UBQLN1: variants seen among roughly 807,000 people sequenced by gnomAD.
UBQLN1 encodes ubiquilin-1.
In UBQLN1, 13 loss-of-function variants were observed where a neutral mutation model predicts 65.4. That is an observed-to-expected ratio of 0.20 (90% CI 0.13 to 0.32). The LOEUF is 0.32. Among genes scored for constraint, UBQLN1 ranks in the 10% least tolerant of loss-of-function variants. The pLI, the probability that UBQLN1 is intolerant of heterozygous loss-of-function variation, is 1.00. For synonymous variants in UBQLN1, 267 were observed against 247.8 expected, an observed-to-expected ratio of 1.08 and a Z score of -0.73; for missense variants, 561 against 724.0, an observed-to-expected ratio of 0.77 and a Z score of 2.58.
At chr9:83,665,268 C>G in intron 8 of UBQLN1, 123 bp from the exon 9 acceptor site, 2 of 589,938 alleles carry the variant, frequency 3.4e-6, no homozygotes, top group Non-Finnish European at 5.5e-6. Context: ...CACTGGTAAT[C>G]CATAATTTCT....
chr9:83,661,476 G>A lies in UBQLN1; in HGVS notation c.*311C>T. On this transcript the variant is annotated 3_prime_UTR_variant, in exon 11 of 11. Transcript: ENST00000376395. ...ACATAAATTACTACCATAGGCTAAT[G>A]TTTAAAAAGCAAATAAACTGGACAG... The A allele has an allele frequency of 4.5e-6, 1 of 222,332 alleles. No individual in the cohort carries two copies. The highest frequency in any genetic ancestry group is 8.9e-6 in the Non-Finnish European group (1 of 112,666). 13.8% of individuals were successfully genotyped at this position (222,332 alleles called of 1,614,324 possible).
rs755015487 is a variant in UBQLN1 at position 83,664,048 on chromosome 9, A to C, written c.1449-5T>G. On this transcript the variant is annotated splice_region_variant and splice_polypyrimidine_tract_variant and intron_variant, in intron 9 of 10. Transcript: ENST00000376395. ...GCCCCCAAGCCAGGAGTAAACCTAC[A>C]GAAAGCACAAATAGGAAATATCCTA... is the stretch of plus-strand genomic sequence containing the variant. 6.2e-7 allele frequency: 1 copy of C among 1,610,966 alleles called. No homozygotes were observed. The highest frequency in any genetic ancestry group is 8.5e-7 in the Non-Finnish European group (1 of 1,178,918).
chr9:83,669,452 C>G, intron 6 of UBQLN1, 125 bp from the exon 7 acceptor site: 3 of 879,666 alleles, frequency 3.4e-6, no homozygotes, highest in Non-Finnish European at 4.9e-6. Context: ...TATTATGTAT[C>G]AACTGAACTA....
At chr9:83,675,422 T>A (rs929769103) in intron 6 of UBQLN1, among the ~76,000 whole-genome samples, 1 of 151,812 alleles carries the variant, frequency 6.6e-6, no homozygotes, top group Non-Finnish European at 1.5e-5. Flanking sequence ...TAAAATTGTT[T>A]GAATCACAAG....
rs147253463 is a variant in UBQLN1, at chr9:83,694,872, G to A, written c.181-8717C>T. Among the ~76,000 whole-genome samples, 356 of 152,286 alleles carry A rather than the reference G, an allele frequency of 2.3e-3. 1 individual carries two copies. Among genetic ancestry groups the A allele is most frequent in the African/African-American group, 8.2e-3 (341 of 41,560 alleles). On this transcript the variant is annotated intron_variant, in intron 1 of 10. Coordinates refer to ENST00000376395, the MANE Select transcript of UBQLN1 (RefSeq NM_013438.5). ...ACGATATGTTAAAAATGTAGCCAGT[G>A]AGGCTGAGATGATTAAAGCTCCTTA...
chr9:83,678,384 T>G, intron 5 of UBQLN1, 57 bp downstream of exon 5: 1 of 1,546,434 alleles, frequency 6.5e-7, no homozygotes, highest in Non-Finnish European at 8.7e-7. Flanking sequence ...ATCATACACA[T>G]ATTTGTGTTA....
Position 83,669,365 on chromosome 9 carries a change from A to G in UBQLN1, c.1106-38T>C, listed in dbSNP as rs781769627. 38 of 1,551,452 alleles carry G rather than the reference A, an allele frequency of 2.4e-5. No homozygotes were observed. The Middle Eastern group carries it at 1.6e-3, about 64-fold the overall frequency. On this transcript the variant is annotated intron_variant, in intron 6 of 10. Transcript: ENST00000376395. ...TTTTAAAAAAGACATATTAAGGAAAAATACTTAAACAAAAGTTAAAGCTTT... is the reference window on the plus strand; with the variant it reads ...TTTTAAAAAAGACATATTAAGGAAAGATACTTAAACAAAAGTTAAAGCTTT...
At chr9:83,685,386 C>A (rs1045082388) in intron 2 of UBQLN1, among the ~76,000 whole-genome samples, 10 of 152,130 alleles carry the variant, frequency 6.6e-5, no homozygotes, top group Non-Finnish European at 1.3e-4. Context: ...TGATAAAATT[C>A]CATACCCATG....
At position 83,669,333 on chromosome 9, in the gene UBQLN1, A is replaced by G. The variant is rs570856219; in HGVS notation, c.1106-6T>C. ...TGGTGTGTTGAACATACTAGCTGAA[A>G]GTTTGTTTTTAAAAAAGACATATTA... is the stretch of plus-strand genomic sequence containing the variant. On this transcript the variant is annotated splice_region_variant and splice_polypyrimidine_tract_variant and intron_variant, in intron 6 of 10. Coordinates refer to ENST00000376395, the MANE Select transcript of UBQLN1 (RefSeq NM_013438.5). 12 of 1,576,416 alleles carry G rather than the reference A, an allele frequency of 7.6e-6. 1 individual carries two copies. In the East Asian group the frequency reaches 2.5e-4, roughly 33 times the overall value.
intron 1 of UBQLN1, among the ~76,000 whole-genome samples, chr9:83,704,623 G>C (rs936193513): frequency 6.6e-6 from 1 of 152,074 alleles, no homozygotes; most frequent in African/African-American, 2.4e-5. Flanking sequence ...TCAGGAGTTC[G>C]AGACCAGCCT....
intron 8 of UBQLN1, among the ~76,000 whole-genome samples, chr9:83,665,596 G>T (rs751939320): frequency 4.6e-5 from 7 of 152,102 alleles, no homozygotes; most frequent in Non-Finnish European, 1.0e-4. Flanking sequence ...CAAATTTGAC[G>T]TTAATACATG....
intron 10 of UBQLN1, among the ~76,000 whole-genome samples, chr9:83,662,157 A>T (rs573058249): frequency 1.4e-4 from 21 of 152,266 alleles, no homozygotes; most frequent in Non-Finnish European, 1.2e-4. Flanking sequence ...TGTCAAATAG[A>T]TCACGACTCT....
intron 1 of UBQLN1, among the ~76,000 whole-genome samples, chr9:83,702,128 A>G (rs145454717): frequency 1.8e-3 from 270 of 152,334 alleles, no homozygotes; most frequent in Non-Finnish European, 3.0e-3. Context: ...AAAATAGATC[A>G]GTAGTTGCCT....
At chr9:83,682,080 C>A (rs1326060307) in intron 3 of UBQLN1, among the ~76,000 whole-genome samples, 1 of 151,982 alleles carries the variant, frequency 6.6e-6, no homozygotes, top group East Asian at 1.9e-4. Context: ...TTCAGGAGAT[C>A]TAGACCATCC....
intron 1 of UBQLN1, among the ~76,000 whole-genome samples, chr9:83,699,293 CT>C (rs1309815389): frequency 7.2e-5 from 11 of 152,168 alleles, no homozygotes; most frequent in African/African-American, 2.4e-4. Flanking sequence ...GACTTCAGTC[CT>C]TCCTTTTGAT....
chr9:83,665,002 TTTCA>T (rs1831621542), intron 9 of UBQLN1, 24 bp downstream of exon 9: 1 of 1,503,874 alleles, frequency 6.6e-7, no homozygotes, highest in Admixed American at 1.9e-5. Context: ...CATTATACAC[TTTCA>T]TTATCTTCCC....
chr9:83,707,733 G>A lies in UBQLN1; in HGVS notation c.-54C>T. 6.7e-7 allele frequency: 1 copy of A among 1,501,878 alleles called. No homozygotes were observed. Among genetic ancestry groups the A allele is most frequent in the Non-Finnish European group, 8.8e-7 (1 of 1,135,130 alleles). 93.0% of individuals were successfully genotyped at this position (1,501,878 alleles called of 1,614,324 possible). On this transcript the variant is annotated 5_prime_UTR_variant, in exon 1 of 11. Transcript: ENST00000376395. ...CAGGCAAGCAGGAGGGAGCAGGCGA[G>A]CAAGGAGGAGCCAGCAGACACCAGA... is the stretch of plus-strand genomic sequence containing the variant.
chr9:83,703,438 G>C (rs1462892038), intron 1 of UBQLN1, among the ~76,000 whole-genome samples: 2 of 151,998 alleles, frequency 1.3e-5, no homozygotes, highest in East Asian at 3.8e-4. Context: ...TGCATAAAAT[G>C]TACATGAAAT....
intron 1 of UBQLN1, among the ~76,000 whole-genome samples, chr9:83,695,372 A>C (rs1360029708): frequency 6.6e-6 from 1 of 151,686 alleles, no homozygotes; most frequent in Non-Finnish European, 1.5e-5. Flanking sequence ...TAATTTTTTT[A>C]TTTTTTTAGT....
Sources: allele counts gnomAD v4.1 joint callset (sites outside exome capture counted in the v4.1 genomes callset), GRCh38; gene constraint gnomAD v4.1.1; transcripts MANE v1.5; gene names NCBI Gene and HGNC (gene_info 2026-07-23, HGNC 2026-07-21).